USP54: variants seen among roughly 807,000 people sequenced by gnomAD.
The protein encoded by USP54 is ubiquitin specific peptidase 54, also known as ubiquitin carboxyl-terminal hydrolase 54.
In USP54, 87 loss-of-function variants were observed where a neutral mutation model predicts 170.5. The ratio of observed to expected loss-of-function variants is 0.51; its 90% confidence interval spans 0.43 to 0.61. USP54 has a LOEUF of 0.61. USP54 is among the 20% of genes least tolerant of loss of function. The pLI is 0.00. For synonymous variants in USP54, 655 were observed against 742.8 expected (o/e 0.88, Z 1.92); for missense variants, 1,786 against 2,047.8 (o/e 0.87, Z 2.47).
In USP54 at chr10:73,530,618, A is replaced by G. The variant is rs578117418; in HGVS notation, c.1447+86T>C. 1.7e-4 allele frequency: 276 copies of G among 1,579,910 alleles called. 1 individual carries two copies. In the South Asian group the frequency reaches 2.3e-3, roughly 13 times the overall value. ...AAAAGCAAAGAAAAGCCCTCTGAAC[A>G]GAAAGGAGAAGCCAACAGTCTGGAG... On this transcript the variant is annotated intron_variant, in intron 13 of 23. Coordinates refer to ENST00000687698, the MANE Select transcript of USP54 (RefSeq NM_001391956.1).
chr10:73,564,032 C>T (rs957132811), intron 4 of USP54, among the ~76,000 whole-genome samples: 2 of 151,572 alleles, frequency 1.3e-5, no homozygotes, highest in African/African-American at 2.4e-5. Context: ...GACAGAGTCT[C>T]ACTCTGTCAC....
intron 1 of USP54, among the ~76,000 whole-genome samples, chr10:73,587,343 C>T (rs777262325): frequency 2.0e-5 from 3 of 151,944 alleles, no homozygotes; most frequent in Non-Finnish European, 2.9e-5. Context: ...GGTGTGGTGG[C>T]GAGCACCTGT....
In USP54 at chr10:73,578,796, T is replaced by C. The variant is rs371713666; in HGVS notation, c.-581-2435A>G. On this transcript the variant is annotated intron_variant, in intron 1 of 23. Transcript: ENST00000687698. ...GATGTTGGAACAATTGGGACACCCA[T>C]ATGCAAAAAACTGAACATTGAGTCA... Among the ~76,000 whole-genome samples the C allele has an allele frequency of 2.6e-5, 4 of 152,180 alleles. No individual in the cohort carries two copies. The East Asian group carries it at 7.7e-4, about 29-fold the overall frequency.
At chr10:73,549,461 A>G (rs1489852571) in intron 4 of USP54, among the ~76,000 whole-genome samples, 1 of 152,176 alleles carries the variant, frequency 6.6e-6, no homozygotes, top group Non-Finnish European at 1.5e-5. Context: ...TTTCCTCCCA[A>G]CATCCACATT....
chr10:73,549,844 C>T (rs1254632242), intron 4 of USP54, among the ~76,000 whole-genome samples: 2 of 152,206 alleles, frequency 1.3e-5, no homozygotes, highest in East Asian at 3.9e-4. Context: ...TCAAAACTCT[C>T]TAAAGGCTTC....
chr10:73,564,291 T>C (rs2073796104), intron 4 of USP54, among the ~76,000 whole-genome samples: 1 of 152,110 alleles, frequency 6.6e-6, no homozygotes, highest in Non-Finnish European at 1.5e-5. Flanking sequence ...GTGAGTCACA[T>C]TTTAGTCCTT....
At chr10:73,590,131 G>C (rs374810510) in intron 1 of USP54, among the ~76,000 whole-genome samples, 6 of 152,210 alleles carry the variant, frequency 3.9e-5, no homozygotes, top group African/African-American at 1.2e-4. Flanking sequence ...GCCAAATAGT[G>C]ATTATTTTTC....
intron 1 of USP54, among the ~76,000 whole-genome samples, chr10:73,601,301 C>G (rs1023362870): frequency 6.6e-6 from 1 of 152,054 alleles, no homozygotes; most frequent in Admixed American, 6.6e-5. Flanking sequence ...CCAGTCAAGA[C>G]AGTGTAGGAA....
chr10:73,580,318 CAAAA>C (rs550717480), intron 1 of USP54, among the ~76,000 whole-genome samples: 1 of 64,400 alleles, frequency 1.6e-5, no homozygotes, highest in Admixed American at 1.8e-4. Context: ...GACCCCATTT[CAAAA>C]AAAAAAAAAA....
At chr10:73,546,807 C>T (rs2067947708) in intron 4 of USP54, among the ~76,000 whole-genome samples, 2 of 152,048 alleles carry the variant, frequency 1.3e-5, no homozygotes, top group South Asian at 4.1e-4. Context: ...TCTATTTATC[C>T]ATTTCTTTAC....
chr10:73,536,810 A>ACTAGAAATCTGCATTTCCTTAGTT (rs2065299942), intron 10 of USP54, among the ~76,000 whole-genome samples: 1 of 152,232 alleles, frequency 6.6e-6, no homozygotes, highest in East Asian at 1.9e-4. Context: ...TTAAGCCCTC[A>ACTAGAAATCTGCATTTCCTTAGTT]CTAGAAATCT....
At chr10:73,511,356 A>AT (rs2060179986) in intron 20 of USP54, among the ~76,000 whole-genome samples, 1 of 150,502 alleles carries the variant, frequency 6.6e-6, no homozygotes, top group East Asian at 1.9e-4. Context: ...TTTTTTTAGC[A>AT]TTTTTTGAAA....
At chr10:73,521,139 C>G (rs1240800817) in intron 17 of USP54, 112 bp from the exon 18 acceptor site, 7 of 1,377,718 alleles carry the variant, frequency 5.1e-6, no homozygotes, top group Non-Finnish European at 6.9e-6. Context: ...CTGGTCTACC[C>G]TTATTCCAAC....
intron 1 of USP54, among the ~76,000 whole-genome samples, chr10:73,580,000 G>T (rs2076669287): frequency 6.6e-6 from 1 of 152,062 alleles, no homozygotes; most frequent in African/African-American, 2.4e-5. Flanking sequence ...AGGAATCAGA[G>T]CAACTGGAAC....
rs576288597 is a variant in USP54, at chr10:73,589,178, G to C, written c.-582+2100C>G. On this transcript the variant is annotated intron_variant, in intron 1 of 23. Coordinates refer to ENST00000687698, the MANE Select transcript of USP54 (RefSeq NM_001391956.1). ...ATAAATGAAGAACTAAGTTTCATGA[G>C]ACCAATCAAACTCACATTTTTCCGT... Among the ~76,000 whole-genome samples the C allele has an allele frequency of 5.3e-5, 8 of 152,282 alleles. No individual in the cohort carries two copies. In the South Asian group the frequency reaches 1.7e-3, roughly 32 times the overall value.
intron 22 of USP54, among the ~76,000 whole-genome samples, chr10:73,503,683 G>A (rs2058569677): frequency 6.6e-6 from 1 of 152,168 alleles, no homozygotes; most frequent in Non-Finnish European, 1.5e-5. Flanking sequence ...AGGAATTTAT[G>A]AACGATAAAT....
intron 1 of USP54, among the ~76,000 whole-genome samples, chr10:73,587,776 T>C (rs1326810152): frequency 6.6e-6 from 1 of 152,204 alleles, no homozygotes; most frequent in Non-Finnish European, 1.5e-5. Context: ...TAGATACGTA[T>C]AATTAGCCCA....
In USP54 at chr10:73,517,173, G is replaced by A. The variant is rs1162415088; in HGVS notation, c.3253C>T (p.His1085Tyr). ...GTTTTCTGCACAGGATCAGGACAGT[G>A]AAGCACAAATGAAGAAGCAACAGGC... ...IMPVASSFVL[H>Y]CPDPVQKTNQ... The change falls in exon 20 of 24, where the codon CAC becomes TAC. Residue 1085 changes from histidine (H) to tyrosine (Y), a missense_variant. Coordinates refer to ENST00000687698, the MANE Select transcript of USP54 (RefSeq NM_001391956.1). 1 of 1,614,098 alleles carries A rather than the reference G, an allele frequency of 6.2e-7. No homozygotes were observed. Among genetic ancestry groups the A allele is most frequent in the African/African-American group, 1.3e-5 (1 of 74,944 alleles).
Position 73,505,418 on chromosome 10 carries a change from C to G in USP54, c.4060G>C (p.Asp1354His). Residue 1354 changes from aspartate to histidine, a missense_variant, in exon 21 of 24, where the codon GAT (aspartate) becomes CAT (histidine). Physicochemically the swap from Asp to His is moderately conservative, Grantham distance 81. Transcript: ENST00000687698. ...WHPLSQTGSADGMGRRLHSAH... is the reference protein window; with the variant it reads ...WHPLSQTGSAHGMGRRLHSAH... ...GAGTGCAACCTCCTCCCCATGCCAT[C>G]TGCAGAGCCTGAAGAGGAAAACACA... 1 of 1,613,924 alleles carries G rather than the reference C, an allele frequency of 6.2e-7. No individual in the cohort carries two copies. The highest frequency in any genetic ancestry group is 8.5e-7 in the Non-Finnish European group (1 of 1,179,914).
Sources: allele counts gnomAD v4.1 joint callset (sites outside exome capture counted in the v4.1 genomes callset), GRCh38; gene constraint gnomAD v4.1.1; transcripts MANE v1.5; gene names NCBI Gene and HGNC (gene_info 2026-07-23, HGNC 2026-07-21).